Variants in CSMD1 observed in about 807,000 individuals in gnomAD.
The protein encoded by CSMD1 is CUB and Sushi multiple domains 1.
CSMD1 carries 213 observed loss-of-function variants against 417.5 expected under a neutral mutation model. The observed-to-expected ratio is 0.51, with a 90% CI of 0.46 to 0.57. The LOEUF (loss-of-function observed/expected upper bound fraction) is 0.57. Ranked by LOEUF, CSMD1 falls within the 20% of genes least tolerant of loss-of-function variation. The pLI is 0.00. For synonymous variants in CSMD1, 2,862 were observed against 1,736.8 expected, an observed-to-expected ratio of 1.65 and a Z score of -16.11; for missense variants, 6,923 against 4,529.7, an observed-to-expected ratio of 1.53 and a Z score of -15.17.
chr8:4,947,483 G>A (rs575271365), intron 1 of CSMD1, among the ~76,000 whole-genome samples: 1 of 152,080 alleles, frequency 6.6e-6, no homozygotes. Flanking sequence ...CATCAACAAT[G>A]AGAAAATGAG....
At chr8:4,461,098 G>A (rs1035316814) in intron 2 of CSMD1, among the ~76,000 whole-genome samples, 3 of 150,582 alleles carry the variant, frequency 2.0e-5, no homozygotes, top group Admixed American at 2.0e-4. Context: ...ATGCAAGATA[G>A]GCTTAGCATC....
intron 2 of CSMD1, among the ~76,000 whole-genome samples, chr8:4,612,073 T>G (rs975637898): frequency 6.6e-6 from 1 of 152,072 alleles, no homozygotes; most frequent in African/African-American, 2.4e-5. Flanking sequence ...GAGGTGAGGA[T>G]AGAAGAGTGC....
intron 3 of CSMD1, among the ~76,000 whole-genome samples, chr8:4,337,239 T>C (rs1022155927): frequency 2.6e-5 from 4 of 152,148 alleles, no homozygotes; most frequent in Non-Finnish European, 5.9e-5. Flanking sequence ...AAAACTCCAC[T>C]GCCTGATAAA....
At chr8:3,842,002 G>T (rs1473828290) in intron 5 of CSMD1, among the ~76,000 whole-genome samples, 1 of 152,152 alleles carries the variant, frequency 6.6e-6, no homozygotes, top group African/African-American at 2.4e-5. Context: ...GCATCAATTT[G>T]TATATCGAGT....
chr8:3,409,503 G>C lies in CSMD1; in HGVS notation c.1664C>G (p.Ala555Gly), dbSNP rs1278175938. ...TCTCTCCCCCACCAGCTCAAAGGCC[G>C]CCGGGCATTCAAAGGTGAGTGTATC... ...HGDTLTFECP[A>G]AFELVGERVI... The change falls in exon 13 of 70, where the codon GCG (alanine) becomes GGG (glycine). Residue 555 changes from alanine to glycine, a missense_variant. Physicochemically the swap from Ala to Gly is moderately conservative, Grantham distance 60 (BLOSUM62 0). Coordinates refer to ENST00000635120, the MANE Select transcript of CSMD1 (RefSeq NM_033225.6). 6.2e-7 allele frequency: 1 copy of C among 1,611,098 alleles called. No homozygotes were observed. Among genetic ancestry groups the C allele is most frequent in the South Asian group, 1.1e-5 (1 of 90,200 alleles).
At chr8:4,727,680 A>C (rs1486060089) in intron 1 of CSMD1, among the ~76,000 whole-genome samples, 1 of 152,064 alleles carries the variant, frequency 6.6e-6, no homozygotes, top group Non-Finnish European at 1.5e-5. Flanking sequence ...AGTCACCTGG[A>C]AATAACTTGC....
At chr8:4,325,826 T>C (rs1218414908) in intron 3 of CSMD1, among the ~76,000 whole-genome samples, 2 of 152,138 alleles carry the variant, frequency 1.3e-5, no homozygotes, top group Non-Finnish European at 2.9e-5. Flanking sequence ...AGAACGACTG[T>C]AGATTAACAA....
chr8:3,947,073 T>G (rs1008279947), intron 5 of CSMD1, among the ~76,000 whole-genome samples: 8 of 152,194 alleles, frequency 5.3e-5, no homozygotes, highest in African/African-American at 1.4e-4. Flanking sequence ...ACATGTTGAA[T>G]AGTTGTAAAA....
At position 3,214,709 on chromosome 8, in the gene CSMD1, G is replaced by A. The variant is rs1189058597; in HGVS notation, c.4673-18C>T. ...TGGTTTCTCTGTGGAAGAAATGAAT[G>A]TAAACTGCATGAGAGCAGGGATCTT... On this transcript the variant is annotated intron_variant, in intron 29 of 69. Coordinates refer to ENST00000635120, the MANE Select transcript of CSMD1 (RefSeq NM_033225.6). 5 of 1,538,364 alleles carry A rather than the reference G, an allele frequency of 3.3e-6. No homozygotes were observed. Among genetic ancestry groups the A allele is most frequent in the Non-Finnish European group, 4.4e-6 (5 of 1,138,450 alleles).
intron 1 of CSMD1, among the ~76,000 whole-genome samples, chr8:4,770,983 C>A (rs1005208764): frequency 6.6e-6 from 1 of 152,050 alleles, no homozygotes; most frequent in African/African-American, 2.4e-5. Flanking sequence ...AAAGCTTCTG[C>A]ACAGCAAAGG....
chr8:4,848,958 C>T (rs947106805), intron 1 of CSMD1, among the ~76,000 whole-genome samples: 1 of 152,200 alleles, frequency 6.6e-6, no homozygotes, highest in African/African-American at 2.4e-5. Flanking sequence ...AAAGTATTAA[C>T]TGTAAAACAG....
chr8:3,110,849 T>G (rs779235118), intron 42 of CSMD1, among the ~76,000 whole-genome samples: 3 of 152,232 alleles, frequency 2.0e-5, no homozygotes, highest in Non-Finnish European at 4.4e-5. Context: ...TAAGATTATG[T>G]AAGTGGTGTT....
intron 5 of CSMD1, among the ~76,000 whole-genome samples, chr8:3,872,973 T>G (rs1230177574): frequency 6.6e-6 from 1 of 151,972 alleles, no homozygotes; most frequent in African/African-American, 2.4e-5. Flanking sequence ...CACTGATCAT[T>G]AGAGAAACGC....
At chr8:4,933,147 C>G (rs1429728155) in intron 1 of CSMD1, among the ~76,000 whole-genome samples, 1 of 152,014 alleles carries the variant, frequency 6.6e-6, no homozygotes, top group Non-Finnish European at 1.5e-5. Flanking sequence ...ATATGTTTTT[C>G]TTTTTTACTT....
At chr8:4,926,692 G>C (rs62488178) in intron 1 of CSMD1, among the ~76,000 whole-genome samples, 28,473 of 150,996 alleles carry the variant, frequency 0.19, 3,192 homozygotes, top group East Asian at 0.35. Flanking sequence ...CTTTTTTTTC[G>C]GTCAGTTAAT....
intron 2 of CSMD1, among the ~76,000 whole-genome samples, chr8:4,454,252 C>A (rs1490178246): frequency 3.3e-5 from 5 of 152,174 alleles, no homozygotes; most frequent in Non-Finnish European, 7.3e-5. Flanking sequence ...ACAGTGCTTA[C>A]CGCCTCTCAC....
At chr8:4,892,634 C>T (rs1434269219) in intron 1 of CSMD1, among the ~76,000 whole-genome samples, 2 of 152,026 alleles carry the variant, frequency 1.3e-5, no homozygotes, top group East Asian at 1.9e-4. Context: ...GACGTGAACA[C>T]TTAACTTTTG....
intron 37 of CSMD1, among the ~76,000 whole-genome samples, chr8:3,168,543 C>T (rs556858784): frequency 7.9e-5 from 12 of 152,064 alleles, no homozygotes; most frequent in African/African-American, 2.7e-4. Flanking sequence ...AAGTAAATGT[C>T]AAATGCCATG....
chr8:3,020,751 A>C (rs189618980), intron 51 of CSMD1, among the ~76,000 whole-genome samples: 54 of 152,284 alleles, frequency 3.5e-4, no homozygotes, highest in African/African-American at 1.2e-3. Flanking sequence ...TGTGGGGTGC[A>C]CTACCAGAAA....
Sources: gnomAD v4.1 joint callset for allele counts (sites outside exome capture counted in the v4.1 genomes callset) on GRCh38, gnomAD v4.1.1 for gene constraint, MANE v1.5 for transcripts, NCBI Gene and HGNC (gene_info 2026-07-23, HGNC 2026-07-21) for gene names.